The following MAP7 variants were observed in gnomAD, a reference collection of about 807,000 sequenced individuals.
MAP7 encodes ensconsin.
In MAP7, 52 loss-of-function variants were observed where a neutral mutation model predicts 94.8. The ratio of observed to expected loss-of-function variants is 0.55; its 90% confidence interval spans 0.44 to 0.69. MAP7 has a LOEUF of 0.69. MAP7 is among the 30% of genes least tolerant of loss of function. MAP7 has a pLI of 0.00. For synonymous variants in MAP7, 350 were observed against 357.0 expected (o/e 0.98, Z 0.22); for missense variants, 940 against 964.6 (o/e 0.97, Z 0.34).
intron 1 of MAP7, among the ~76,000 whole-genome samples, chr6:136,457,272 C>G (rs987379538): frequency 6.7e-6 from 1 of 150,348 alleles, no homozygotes; most frequent in Non-Finnish European, 1.5e-5. Context: ...AATATCTGAA[C>G]ACACCTTTAA....
intron 1 of MAP7, among the ~76,000 whole-genome samples, chr6:136,494,121 T>C (rs1221441749): frequency 1.3e-5 from 2 of 152,186 alleles, no homozygotes; most frequent in African/African-American, 4.8e-5. Context: ...GCAATCAGTA[T>C]CATTGCAACG....
chr6:136,377,662 C>T (rs1342873847), intron 7 of MAP7, 93 bp downstream of exon 7: 8 of 905,034 alleles, frequency 8.8e-6, no homozygotes, highest in African/African-American at 8.1e-5. Flanking sequence ...AAGAGAGAAG[C>T]GCATTTTAGG....
At chr6:136,522,029 G>A (rs994936851) in intron 1 of MAP7, among the ~76,000 whole-genome samples, 6 of 152,184 alleles carry the variant, frequency 3.9e-5, no homozygotes, top group African/African-American at 1.2e-4. Context: ...ATCTGCCACA[G>A]AGTGAGCATT....
At chr6:136,535,080 A>T (rs772065634) in intron 1 of MAP7, among the ~76,000 whole-genome samples, 20 of 152,144 alleles carry the variant, frequency 1.3e-4, no homozygotes, top group Non-Finnish European at 2.8e-4. Context: ...TCCAAATCTC[A>T]TGTTGAAATG....
At chr6:136,514,490 G>A (rs1387095047) in intron 1 of MAP7, among the ~76,000 whole-genome samples, 1 of 149,482 alleles carries the variant, frequency 6.7e-6, no homozygotes, top group African/African-American at 2.5e-5. Context: ...GGAGGCTGAG[G>A]CAGGAGAATA....
chr6:136,444,521 G>T (rs756123471), intron 1 of MAP7, among the ~76,000 whole-genome samples: 1 of 152,142 alleles, frequency 6.6e-6, no homozygotes, highest in Non-Finnish European at 1.5e-5. Context: ...AGAATTTGAT[G>T]GGAACTGACC....
At chr6:136,384,452 C>A (rs1180238044) in intron 5 of MAP7, among the ~76,000 whole-genome samples, 1 of 151,726 alleles carries the variant, frequency 6.6e-6, no homozygotes, top group Non-Finnish European at 1.5e-5. Flanking sequence ...CATTCATGAA[C>A]AATAGCATTG....
intron 6 of MAP7, among the ~76,000 whole-genome samples, chr6:136,379,770 G>A (rs777395692): frequency 6.6e-5 from 10 of 152,064 alleles, no homozygotes; most frequent in Admixed American, 5.9e-4. Context: ...TGAAGGCATC[G>A]ACCAAAAAAT....
chr6:136,442,005 C>G (rs774689593), intron 1 of MAP7, among the ~76,000 whole-genome samples: 6 of 147,958 alleles, frequency 4.1e-5, no homozygotes, highest in Non-Finnish European at 7.5e-5. Context: ...ACAGCAAGAC[C>G]CTGTCTCAAC....
chr6:136,365,998 G>A lies in MAP7; in HGVS notation c.1010C>T (p.Pro337Leu), dbSNP rs764562655. ...SRLWLPSKSL[P>L]HLPGTPRPTS... ...CGGTCTGGGTGTGCCAGGCAAATGA[G>A]GAAGAGACTTGGACGGAAGCCTGGG... The change falls in exon 10 of 18, where the codon CCT becomes CTT. Residue 337 changes from proline to leucine, a missense_variant. Pro to Leu is a moderately conservative substitution (Grantham distance 98). Transcript: ENST00000354570. The A allele has an allele frequency of 2.5e-6, 4 of 1,611,214 alleles. No individual in the cohort carries two copies. The highest frequency in any genetic ancestry group is 2.5e-6 in the Non-Finnish European group (3 of 1,179,700).
chr6:136,388,452 T>A lies in MAP7; in HGVS notation c.467A>T (p.Lys156Met). ...GCCTCCCCACGACCAACGGTTATGC[T>A]TCTGTTTTGGCTTCTGGCTCCTTTC... ...TMERSQKPKQ[K>M]HNRWSWGGSL... The change falls in exon 5 of 18, where the codon AAG (lysine) becomes ATG (methionine). Residue 156 changes from lysine (K) to methionine (M), a missense_variant. Transcript: ENST00000354570. 1 of 1,614,200 alleles carries A rather than the reference T, an allele frequency of 6.2e-7. No homozygotes were observed. The highest frequency in any genetic ancestry group is 8.5e-7 in the Non-Finnish European group (1 of 1,180,026).
At chr6:136,484,831 G>A (rs960414331) in intron 1 of MAP7, among the ~76,000 whole-genome samples, 1 of 152,090 alleles carries the variant, frequency 6.6e-6, no homozygotes, top group Non-Finnish European at 1.5e-5. Flanking sequence ...TCCCAGTTAG[G>A]ATTACAGACA....
At chr6:136,506,362 A>T (rs748389931) in intron 1 of MAP7, among the ~76,000 whole-genome samples, 1 of 152,106 alleles carries the variant, frequency 6.6e-6, no homozygotes, top group Non-Finnish European at 1.5e-5. Context: ...AACTAATAAT[A>T]CTTTACACAA....
intron 8 of MAP7, among the ~76,000 whole-genome samples, chr6:136,371,475 G>A (rs1437867414): frequency 6.6e-6 from 1 of 152,188 alleles, no homozygotes; most frequent in African/African-American, 2.4e-5. Flanking sequence ...ATCAAACACT[G>A]ATTCCAGAAA....
At chr6:136,455,807 G>T (rs1468283778) in intron 1 of MAP7, among the ~76,000 whole-genome samples, 2 of 152,086 alleles carry the variant, frequency 1.3e-5, no homozygotes, top group African/African-American at 4.8e-5. Flanking sequence ...GACTCAATAT[G>T]AAGCTCTAAA....
chr6:136,475,703 G>A (rs1024334634), intron 1 of MAP7, among the ~76,000 whole-genome samples: 5 of 151,996 alleles, frequency 3.3e-5, no homozygotes, highest in Admixed American at 2.0e-4. Flanking sequence ...GTATGAGAAG[G>A]TTGGTTTACT....
At chr6:136,354,018 T>C (rs1207671702) in intron 16 of MAP7, among the ~76,000 whole-genome samples, 1 of 150,992 alleles carries the variant, frequency 6.6e-6, no homozygotes, top group Non-Finnish European at 1.5e-5. Flanking sequence ...TGATCTGCTG[T>C]TTTGGCTTTA....
At chr6:136,518,857 G>A (rs1260623015) in intron 1 of MAP7, among the ~76,000 whole-genome samples, 1 of 152,154 alleles carries the variant, frequency 6.6e-6, no homozygotes, top group Non-Finnish European at 1.5e-5. Context: ...ACACTTAATT[G>A]TGTTTGGTTC....
chr6:136,532,951 G>A (rs898633105), intron 1 of MAP7, among the ~76,000 whole-genome samples: 4 of 152,274 alleles, frequency 2.6e-5, no homozygotes, highest in Admixed American at 6.5e-5. Flanking sequence ...CCGCACCTGC[G>A]GCTTCCAGAC....
Sources: gnomAD v4.1 joint callset for allele counts (sites outside exome capture counted in the v4.1 genomes callset) on GRCh38, gnomAD v4.1.1 for gene constraint, MANE v1.5 for transcripts, NCBI Gene and HGNC (gene_info 2026-07-23, HGNC 2026-07-21) for gene names.